PDGFC: variants seen among roughly 807,000 people sequenced by gnomAD.
The protein encoded by PDGFC is platelet derived growth factor C, also known as platelet-derived growth factor C.
Under a neutral mutation model 35.5 loss-of-function variants are expected in PDGFC, and 12 were observed. That is an observed-to-expected ratio of 0.34 (90% CI 0.22 to 0.55). The LOEUF (loss-of-function observed/expected upper bound fraction) is 0.55. Among genes scored for constraint, PDGFC ranks in the 20% least tolerant of loss-of-function variants. PDGFC has a pLI of 0.91. For missense variants in PDGFC, 322 were observed against 412.4 expected, an observed-to-expected ratio of 0.78 and a Z score of 1.90; for synonymous variants, 159 against 148.8, an observed-to-expected ratio of 1.07 and a Z score of -0.50.
At chr4:156,891,857 C>A (rs185848818) in intron 1 of PDGFC, among the ~76,000 whole-genome samples, 4 of 152,064 alleles carry the variant, frequency 2.6e-5, no homozygotes, top group African/African-American at 9.7e-5. Flanking sequence ...GTGATCATTC[C>A]CCCTAAAAAG....
chr4:156,962,621 A>T (rs1732369286), intron 1 of PDGFC, among the ~76,000 whole-genome samples: 1 of 152,158 alleles, frequency 6.6e-6, no homozygotes, highest in South Asian at 2.1e-4. Flanking sequence ...GCTGAATGAA[A>T]ACAATGTTCT....
At chr4:156,868,540 T>C (rs1034602254) in intron 1 of PDGFC, among the ~76,000 whole-genome samples, 1 of 152,176 alleles carries the variant, frequency 6.6e-6, no homozygotes, top group African/African-American at 2.4e-5. Flanking sequence ...AAAGAGGATA[T>C]GTAAAAGCAA....
intron 1 of PDGFC, among the ~76,000 whole-genome samples, chr4:156,944,496 A>G (rs527452163): frequency 3.7e-4 from 57 of 152,202 alleles, no homozygotes; most frequent in Non-Finnish European, 4.7e-4. Flanking sequence ...TCCATCACCA[A>G]TGTGTGTCTC....
chr4:156,828,861 G>A (rs1191467844), intron 2 of PDGFC, among the ~76,000 whole-genome samples: 1 of 152,036 alleles, frequency 6.6e-6, no homozygotes, highest in Non-Finnish European at 1.5e-5. Flanking sequence ...CCAAAAAAAT[G>A]CAGACTCCAG....
intron 1 of PDGFC, among the ~76,000 whole-genome samples, chr4:156,949,778 C>T (rs1446382328): frequency 6.6e-6 from 1 of 151,882 alleles, no homozygotes; most frequent in African/African-American, 2.4e-5. Context: ...AAAGACTGCA[C>T]AAATGAGAAA....
intron 1 of PDGFC, among the ~76,000 whole-genome samples, chr4:156,907,146 T>C (rs1485636405): frequency 6.6e-6 from 1 of 152,140 alleles, no homozygotes; most frequent in Non-Finnish European, 1.5e-5. Context: ...AAAATAAAAA[T>C]GGACCAAAAA....
chr4:156,941,482 T>C (rs1464365849), intron 1 of PDGFC, among the ~76,000 whole-genome samples: 1 of 152,204 alleles, frequency 6.6e-6, no homozygotes, highest in Non-Finnish European at 1.5e-5. Flanking sequence ...ACAGGAATAC[T>C]GTGCTGAGAG....
intron 3 of PDGFC, among the ~76,000 whole-genome samples, chr4:156,792,350 G>A (rs1420874506): frequency 6.6e-6 from 1 of 152,114 alleles, no homozygotes; most frequent in Non-Finnish European, 1.5e-5. Flanking sequence ...TAAACAAGTA[G>A]TGTATTGGTG....
At chr4:156,900,160 C>T (rs960307034) in intron 1 of PDGFC, among the ~76,000 whole-genome samples, 1 of 152,180 alleles carries the variant, frequency 6.6e-6, no homozygotes, top group Non-Finnish European at 1.5e-5. Context: ...CAATCTTGAT[C>T]AACTAAATAT....
intron 3 of PDGFC, among the ~76,000 whole-genome samples, chr4:156,793,585 G>GTGTGT (rs1731357947): frequency 6.8e-6 from 1 of 146,678 alleles, no homozygotes; most frequent in Middle Eastern, 3.6e-3. Context: ...AATGTTATAT[G>GTGTGT]TGTGTGTATA....
At chr4:156,849,571 T>C (rs989869116) in intron 2 of PDGFC, among the ~76,000 whole-genome samples, 1 of 152,100 alleles carries the variant, frequency 6.6e-6, no homozygotes, top group Non-Finnish European at 1.5e-5. Context: ...AGAGTAATAT[T>C]TGTGTGACAT....
chr4:156,968,230 G>A (rs867640911), intron 1 of PDGFC, among the ~76,000 whole-genome samples: 13 of 152,156 alleles, frequency 8.5e-5, no homozygotes, highest in Admixed American at 6.5e-4. Flanking sequence ...CTCAAGAAAA[G>A]AGAGTATCAT....
chr4:156,778,324 C>T, intron 3 of PDGFC: 1 of 218,640 alleles, frequency 4.6e-6, no homozygotes, highest in Non-Finnish European at 9.9e-6. Flanking sequence ...TGAATGTGGA[C>T]CAGAAAAAAA....
intron 2 of PDGFC, among the ~76,000 whole-genome samples, chr4:156,829,729 T>C (rs890296624): frequency 6.6e-6 from 1 of 152,150 alleles, no homozygotes; most frequent in African/African-American, 2.4e-5. Context: ...TTTTCTCTCC[T>C]TGACAGAAGA....
At chr4:156,906,701 T>G (rs1730923342) in intron 1 of PDGFC, among the ~76,000 whole-genome samples, 1 of 152,224 alleles carries the variant, frequency 6.6e-6, no homozygotes. Flanking sequence ...CTGGTTCATA[T>G]TGCTCTTACA....
intron 2 of PDGFC, chr4:156,841,947 A>G (rs1729215641): frequency 6.6e-6 from 1 of 152,204 alleles, no homozygotes; most frequent in Non-Finnish European, 1.5e-5. Context: ...CTATTCAGGA[A>G]ACTTATTTTA....
intron 2 of PDGFC, among the ~76,000 whole-genome samples, chr4:156,819,247 T>TA (rs201926629): frequency 0.059 from 9,015 of 151,952 alleles, 374 homozygotes; most frequent in Middle Eastern, 0.12. Flanking sequence ...GTGGATATGC[T>TA]AAAAAAAACA....
intron 3 of PDGFC, among the ~76,000 whole-genome samples, chr4:156,785,718 T>C (rs931330469): frequency 2.6e-5 from 4 of 152,162 alleles, no homozygotes; most frequent in Non-Finnish European, 5.9e-5. Flanking sequence ...TTCTATCAAC[T>C]AGGATCAACT....
At chr4:156,955,133 C>T (rs555872959) in intron 1 of PDGFC, among the ~76,000 whole-genome samples, 15 of 151,978 alleles carry the variant, frequency 9.9e-5, no homozygotes, top group Non-Finnish European at 2.2e-4. Flanking sequence ...ACCAGTCAGA[C>T]AGGGCCTTAA....
Sources: allele counts gnomAD v4.1 joint callset (sites outside exome capture counted in the v4.1 genomes callset), GRCh38; gene constraint gnomAD v4.1.1; transcripts MANE v1.5; gene names NCBI Gene and HGNC (gene_info 2026-07-23, HGNC 2026-07-21).